The following RBFOX1 variants were observed in gnomAD, a reference collection of about 807,000 sequenced individuals.
RBFOX1 encodes RNA binding fox-1 homolog 1, also known as RNA binding protein fox-1 homolog 1.
Under a neutral mutation model 57.7 loss-of-function variants are expected in RBFOX1, and 8 were observed. That is an observed-to-expected ratio of 0.14 (90% CI 0.08 to 0.25). RBFOX1 has a LOEUF of 0.25. Among genes scored for constraint, RBFOX1 ranks in the 10% least tolerant of loss-of-function variants. RBFOX1 has a pLI of 1.00. For missense variants in RBFOX1, 611 were observed against 548.5 expected (o/e 1.11, Z -1.14); for synonymous variants, 326 against 222.4 (o/e 1.47, Z -4.15).
intron 4 of RBFOX1, among the ~76,000 whole-genome samples, chr16:7,075,671 C>G (rs1164519895): frequency 1.3e-5 from 2 of 152,160 alleles, no homozygotes; most frequent in Non-Finnish European, 2.9e-5. Flanking sequence ...AGGTCCGCCT[C>G]TCAGGTTCAC....
chr16:5,941,562 A>T (rs1485300981), intron 4 of RBFOX1, among the ~76,000 whole-genome samples: 1 of 152,182 alleles, frequency 6.6e-6, no homozygotes. Flanking sequence ...GAGAGCAGAA[A>T]TTGTGCTTAC....
chr16:7,445,023 C>G (rs1329242199), intron 4 of RBFOX1, among the ~76,000 whole-genome samples: 1 of 146,064 alleles, frequency 6.8e-6, no homozygotes, highest in Non-Finnish European at 1.5e-5. Context: ...TTTTTTTTTT[C>G]TTCTTTTTTT....
intron 3 of RBFOX1, among the ~76,000 whole-genome samples, chr16:6,903,608 G>T (rs1178074948): frequency 6.6e-6 from 1 of 152,182 alleles, no homozygotes; most frequent in Non-Finnish European, 1.5e-5. Context: ...GGAGGTTTCA[G>T]TCAACCTGTA....
chr16:7,460,421 A>G (rs1387898411), intron 4 of RBFOX1, among the ~76,000 whole-genome samples: 4 of 94,422 alleles, frequency 4.2e-5, no homozygotes, highest in South Asian at 3.4e-4. Flanking sequence ...GTGTGTGTAT[A>G]TACATATGTG....
chr16:6,103,842 G>C (rs937348247), intron 1 of RBFOX1, among the ~76,000 whole-genome samples: 2 of 152,152 alleles, frequency 1.3e-5, no homozygotes, highest in Admixed American at 6.5e-5. Context: ...GGATTGGTGA[G>C]GTCCACCCGC....
intron 4 of RBFOX1, among the ~76,000 whole-genome samples, chr16:5,894,098 G>A (rs1490162717): frequency 6.6e-6 from 1 of 152,082 alleles, no homozygotes; most frequent in South Asian, 2.1e-4. Context: ...GGGAGGAGGG[G>A]AGAGATATGC....
rs958702468 is a variant in RBFOX1, at chr16:6,519,277, A to C, written c.-63-135326A>C. On this transcript the variant is annotated intron_variant, in intron 2 of 15. Coordinates refer to ENST00000550418, the MANE Select transcript of RBFOX1 (RefSeq NM_018723.4). ...TCTGTGCACCAGAAAGGGTCAAATG[A>C]AATGAGAATAGTCAGGTGATACTAT... 3.3e-5 allele frequency among the ~76,000 whole-genome samples: 5 copies of C among 152,152 alleles called. No individual in the cohort carries two copies. In the East Asian group the frequency reaches 9.7e-4, roughly 29 times the overall value.
At chr16:7,314,077 T>C (rs879519370) in intron 4 of RBFOX1, among the ~76,000 whole-genome samples, 3 of 152,162 alleles carry the variant, frequency 2.0e-5, no homozygotes, top group Non-Finnish European at 2.9e-5. Context: ...GTTTAATGAA[T>C]TGCAACAAAC....
chr16:6,434,369 C>G (rs531343141), intron 2 of RBFOX1, among the ~76,000 whole-genome samples: 14 of 152,250 alleles, frequency 9.2e-5, no homozygotes, highest in African/African-American at 2.9e-4. Context: ...TGGGTTCCTT[C>G]CCCAGCTTCC....
At chr16:6,656,813 A>C (rs2098656816) in intron 3 of RBFOX1, among the ~76,000 whole-genome samples, 1 of 152,006 alleles carries the variant, frequency 6.6e-6, no homozygotes, top group South Asian at 2.1e-4. Context: ...TGCCCAGTTA[A>C]AATTCTCAGT....
intron 2 of RBFOX1, among the ~76,000 whole-genome samples, chr16:6,503,122 C>T (rs989610582): frequency 1.3e-5 from 2 of 152,030 alleles, no homozygotes; most frequent in African/African-American, 4.8e-5. Flanking sequence ...AGTGATTATT[C>T]AAAGAAAGGA....
At chr16:6,721,457 C>G (rs1454504716) in intron 3 of RBFOX1, among the ~76,000 whole-genome samples, 1 of 152,000 alleles carries the variant, frequency 6.6e-6, no homozygotes, top group Non-Finnish European at 1.5e-5. Context: ...ACAACAACAA[C>G]AAAACCGTGT....
At chr16:7,443,921 T>G (rs1013154122) in intron 4 of RBFOX1, among the ~76,000 whole-genome samples, 1 of 152,228 alleles carries the variant, frequency 6.6e-6, no homozygotes. Flanking sequence ...CTGTATTCCT[T>G]TGTTGCCTGA....
intron 2 of RBFOX1, among the ~76,000 whole-genome samples, chr16:5,573,019 T>C (rs1487941883): frequency 2.0e-5 from 3 of 152,022 alleles, no homozygotes; most frequent in African/African-American, 7.2e-5. Flanking sequence ...AGCCACTGCA[T>C]GTACAGAGGG....
intron 1 of RBFOX1, among the ~76,000 whole-genome samples, chr16:5,447,889 C>T (rs973871998): frequency 7.9e-5 from 12 of 152,216 alleles, no homozygotes; most frequent in Non-Finnish European, 1.2e-4. Flanking sequence ...CTTTTCATTT[C>T]AGGTGGCCTC....
At chr16:6,269,379 C>G (rs2074936426) in intron 1 of RBFOX1, among the ~76,000 whole-genome samples, 1 of 152,156 alleles carries the variant, frequency 6.6e-6, no homozygotes, top group Non-Finnish European at 1.5e-5. Context: ...GATATAGTTT[C>G]AAATCACTGA....
At chr16:7,700,182 G>C (rs1041449143) in intron 14 of RBFOX1, among the ~76,000 whole-genome samples, 3 of 152,060 alleles carry the variant, frequency 2.0e-5, no homozygotes, top group African/African-American at 7.2e-5. Context: ...ATGTACCCCT[G>C]GGGCTTTACC....
chr16:5,400,851 C>T (rs997967632), intron 1 of RBFOX1, among the ~76,000 whole-genome samples: 2 of 152,112 alleles, frequency 1.3e-5, no homozygotes, highest in African/African-American at 2.4e-5. Flanking sequence ...GTCATATTTT[C>T]ATGTGTTTAT....
At chr16:5,298,985 A>G (rs986475300) in intron 1 of RBFOX1, among the ~76,000 whole-genome samples, 1 of 131,802 alleles carries the variant, frequency 7.6e-6, no homozygotes, top group Admixed American at 8.2e-5. Context: ...ATTCAATTTA[A>G]TGGGTTTTGA....
Sources: gnomAD v4.1 joint callset for allele counts (sites outside exome capture counted in the v4.1 genomes callset) on GRCh38, gnomAD v4.1.1 for gene constraint, MANE v1.5 for transcripts, NCBI Gene and HGNC (gene_info 2026-07-23, HGNC 2026-07-21) for gene names.